Variants in SMURF2 observed in about 807,000 individuals in gnomAD.
The protein encoded by SMURF2 is E3 ubiquitin-protein ligase SMURF2.
In SMURF2, 48 loss-of-function variants were observed where a neutral mutation model predicts 109.6. The ratio of observed to expected loss-of-function variants is 0.44; its 90% CI spans 0.35 to 0.56. The LOEUF is 0.56. Among genes scored for constraint, SMURF2 ranks in the 20% least tolerant of loss-of-function variants. The probability of loss-of-function intolerance (pLI) is 0.01; values close to 1 mark genes in which losing one functional copy is unlikely to be tolerated. For synonymous variants in SMURF2, 288 were observed against 317.1 expected, an observed-to-expected ratio of 0.91 and a Z score of 0.97; for missense variants, 575 against 909.0, an observed-to-expected ratio of 0.63 and a Z score of 4.72.
chr17:64,662,064 T>G lies in SMURF2; in HGVS notation c.-184A>C. ...CCGCGGAGGGAGCGGGACGCCGAGC[T>G]CCCCCCTCCTCCCACTTCTCCTTCC... On this transcript the variant is annotated 5_prime_UTR_variant, in exon 1 of 19. Transcript: ENST00000262435. The G allele has an allele frequency of 9.2e-7, 1 of 1,090,382 alleles. No homozygotes were observed. The highest frequency in any genetic ancestry group is 1.1e-6 in the Non-Finnish European group (1 of 899,108). The allele number at this position is 1,090,382 out of a possible 1,614,324, so 67.5% of individuals were successfully genotyped here. A position where few individuals can be genotyped will look rare whatever the true frequency, so the allele number is the denominator to read the frequency against.
At position 64,545,875 on chromosome 17, in the gene SMURF2, T is replaced by G; in HGVS notation, c.2220A>C (p.Glu740Asp). Reference sequence around the variant, plus strand: ...ATTCCACAGCAAATCCACATGTTTCTTCAATGGCTGTTAGCAGCTTTTCAT... The same window carrying G: ...ATTCCACAGCAAATCCACATGTTTCGTCAATGGCTGTTAGCAGCTTTTCAT... Reference protein sequence around the residue: ...KLYEKLLTAIEETCGFAVE With the variant: ...KLYEKLLTAIDETCGFAVE The change falls in exon 19 of 19, where the codon GAA becomes GAC. Residue 740 changes from glutamate (E) to aspartate (D), a missense_variant. Physicochemically the swap from Glu to Asp is conservative, Grantham distance 45. Coordinates refer to ENST00000262435, the MANE Select transcript of SMURF2 (RefSeq NM_022739.4). 6.2e-7 allele frequency: 1 copy of G among 1,610,626 alleles called. No individual in the cohort carries two copies. Among genetic ancestry groups the G allele is most frequent in the Non-Finnish European group, 8.5e-7 (1 of 1,176,894 alleles).
intron 5 of SMURF2, among the ~76,000 whole-genome samples, chr17:64,590,144 C>CTTTTTTTTTTTT (rs200015210): frequency 1.5e-5 from 2 of 136,952 alleles, no homozygotes; most frequent in African/African-American, 5.6e-5. Flanking sequence ...TTTTTCTTTT[C>CTTTTTTTTTTTT]TTTTTTTTTT....
At chr17:64,648,026 C>T (rs553469838) in intron 1 of SMURF2, among the ~76,000 whole-genome samples, 1 of 130,296 alleles carries the variant, frequency 7.7e-6, no homozygotes, top group Non-Finnish European at 1.6e-5. Flanking sequence ...CACTGCACTC[C>T]AGCCTGGGCA....
chr17:64,560,806 A>AC (rs1969202343), intron 12 of SMURF2: 1 of 150,970 alleles, frequency 6.6e-6, no homozygotes, highest in African/African-American at 2.4e-5. Context: ...ACAAAAAAAA[A>AC]AAAACAAAAA....
intron 1 of SMURF2, among the ~76,000 whole-genome samples, chr17:64,648,311 C>T (rs1970588791): frequency 6.6e-6 from 1 of 151,950 alleles, no homozygotes; most frequent in Admixed American, 6.6e-5. Context: ...CAGTTCTATC[C>T]ATCAAGTCAA....
chr17:64,550,298 T>C (rs556633409), intron 16 of SMURF2, among the ~76,000 whole-genome samples: 7 of 152,340 alleles, frequency 4.6e-5, no homozygotes, highest in African/African-American at 1.7e-4. Context: ...CTTCAAATAT[T>C]TGTGTTATCC....
chr17:64,579,179 GA>G (rs1319677768), intron 8 of SMURF2, among the ~76,000 whole-genome samples: 2 of 151,974 alleles, frequency 1.3e-5, no homozygotes, highest in African/African-American at 4.8e-5. Flanking sequence ...ACACTGGGGA[GA>G]AAAAAGTCAA....
Position 64,563,100 on chromosome 17 carries a change from G to A in SMURF2, c.1017-134C>T, listed in dbSNP as rs139475828. On this transcript the variant is annotated intron_variant, in intron 10 of 18. Coordinates refer to ENST00000262435, the MANE Select transcript of SMURF2 (RefSeq NM_022739.4). Reference sequence around the variant, plus strand: ...CCAAGCCTTAGTAGAACATATACTTGGCTTGACATTTTTTGGCAGCAATAA... The same window carrying A: ...CCAAGCCTTAGTAGAACATATACTTAGCTTGACATTTTTTGGCAGCAATAA... The A allele has an allele frequency of 4.0e-6, 3 of 749,018 alleles. No homozygotes were observed. In the East Asian group the frequency reaches 8.4e-5, roughly 21 times the overall value. The allele number at this position is 749,018 out of a possible 1,614,324, so 46.4% of individuals were successfully genotyped here. A position where few individuals can be genotyped will look rare whatever the true frequency, so the allele number is the denominator to read the frequency against.
At position 64,662,256 on chromosome 17, in the gene SMURF2, C is replaced by T; in HGVS notation, c.-376G>A. On this transcript the variant is annotated 5_prime_UTR_variant, in exon 1 of 19. Coordinates refer to ENST00000262435, the MANE Select transcript of SMURF2 (RefSeq NM_022739.4). Reference sequence around the variant, plus strand: ...TGAAGCGGGCGGTGCTCGGGGGCGCCGGAGCAGAACTCTGGGCTCGGCCGC... The same window carrying T: ...TGAAGCGGGCGGTGCTCGGGGGCGCTGGAGCAGAACTCTGGGCTCGGCCGC... 2 of 983,400 alleles carry T rather than the reference C, an allele frequency of 2.0e-6. No individual in the cohort carries two copies. Among genetic ancestry groups the T allele is most frequent in the Non-Finnish European group, 2.4e-6 (2 of 829,170 alleles). The allele number at this position is 983,400 out of a possible 1,614,324, so 60.9% of individuals were successfully genotyped here.
At chr17:64,622,145 T>C (rs1013852984) in intron 1 of SMURF2, among the ~76,000 whole-genome samples, 51 of 151,276 alleles carry the variant, frequency 3.4e-4, no homozygotes, top group Non-Finnish European at 6.9e-4. Context: ...AATACTTCTA[T>C]ACAACTATAT....
In SMURF2 at chr17:64,609,335, C is replaced by T. The variant is rs575030759; in HGVS notation, c.53-2695G>A. Among the ~76,000 whole-genome samples the T allele has an allele frequency of 8.5e-5, 13 of 152,194 alleles. No individual in the cohort carries two copies. The East Asian group carries it at 2.3e-3, about 27-fold the overall frequency. ...CCAAGACAATCCTAAGCAAAAAGAA[C>T]AAAGCTGGAGGCATCACACTACCTG... On this transcript the variant is annotated intron_variant, in intron 1 of 18. Coordinates refer to ENST00000262435, the MANE Select transcript of SMURF2 (RefSeq NM_022739.4).
At chr17:64,606,375 C>T (rs573795745) in intron 2 of SMURF2, among the ~76,000 whole-genome samples, 18 of 152,206 alleles carry the variant, frequency 1.2e-4, no homozygotes, top group African/African-American at 3.6e-4. Context: ...CACACTCATT[C>T]TCATAAATAC....
intron 9 of SMURF2, among the ~76,000 whole-genome samples, chr17:64,577,554 A>AAAATAAAT (rs144708729): frequency 6.7e-6 from 1 of 149,768 alleles, no homozygotes; most frequent in Non-Finnish European, 1.5e-5. Flanking sequence ...AAAGTATAAT[A>AAAATAAAT]AAATAAATAA....
chr17:64,571,940 T>C lies in SMURF2; in HGVS notation c.874A>G (p.Asn292Asp), dbSNP rs144648010. The change falls in exon 10 of 19, where the codon AAT (asparagine) becomes GAT (aspartate). Residue 292 changes from asparagine (N) to aspartate (D), a missense_variant. Asn to Asp is a conservative substitution (Grantham distance 23, BLOSUM62 1). This residue lies in a region of SMURF2 where 361 missense variants were observed against 612.1 expected (regional missense o/e 0.59). Coordinates refer to ENST00000262435, the MANE Select transcript of SMURF2 (RefSeq NM_022739.4). ...PRVPRDLSNI[N>D]CEELGPLPPG... ...GGCAATGGACCAAGCTCTTCACAAT[T>C]GATGTTGCTAAGATCCCTGCAAAAA... 75 of 1,612,038 alleles carry C rather than the reference T, an allele frequency of 4.7e-5. No individual in the cohort carries two copies. Among genetic ancestry groups the C allele is most frequent in the Admixed American group, 6.7e-5 (4 of 59,578 alleles).
chr17:64,571,814 A>T lies in SMURF2; in HGVS notation c.1000T>A (p.Leu334Met), dbSNP rs1293495242. 3.7e-6 allele frequency: 6 copies of T among 1,609,712 alleles called. No homozygotes were observed. The highest frequency in any genetic ancestry group is 5.1e-6 in the Non-Finnish European group (6 of 1,178,462). Residue 334 changes from leucine (L) to methionine (M), a missense_variant, in exon 10 of 19, where the codon TTG becomes ATG. Leu to Met is a conservative substitution (Grantham distance 15, BLOSUM62 2). Transcript: ENST00000262435. ...AAAACTTACTTTAAAACTAAATGCA[A>T]GTTAGCAGACAGCCGAGGATCTGTA... The part of the protein sequence containing the change: ...QFTDPRLSAN[L>M]HLVLNRQNQL...
intron 1 of SMURF2, among the ~76,000 whole-genome samples, chr17:64,648,251 T>C (rs1381236120): frequency 2.0e-5 from 3 of 152,132 alleles, no homozygotes; most frequent in Non-Finnish European, 2.9e-5. Flanking sequence ...TTCCAGTGAA[T>C]GTTAGTGATC....
At chr17:64,638,841 G>C (rs1970456617) in intron 1 of SMURF2, among the ~76,000 whole-genome samples, 1 of 152,196 alleles carries the variant, frequency 6.6e-6, no homozygotes, top group African/African-American at 2.4e-5. Context: ...GGGATGGCTA[G>C]TAATACCTTG....
chr17:64,574,449 T>G (rs1351644650), intron 9 of SMURF2, among the ~76,000 whole-genome samples: 1 of 152,226 alleles, frequency 6.6e-6, no homozygotes, highest in Non-Finnish European at 1.5e-5. Flanking sequence ...GAAATGAGAT[T>G]TCTTGGATAA....
intron 11 of SMURF2, 52 bp from the exon 12 acceptor site, chr17:64,561,655 T>C (rs782335556): frequency 1.5e-6 from 2 of 1,347,676 alleles, no homozygotes; most frequent in South Asian, 1.2e-5. Flanking sequence ...TTTTAGCCTA[T>C]TACTTAATCT....
Sources: gnomAD v4.1 joint callset for allele counts (sites outside exome capture counted in the v4.1 genomes callset) on GRCh38, gnomAD v4.1.1 for gene constraint, gnomAD v4.1.1 regional missense constraint, MANE v1.5 for transcripts, NCBI Gene and HGNC (gene_info 2026-07-23, HGNC 2026-07-21) for gene names.